Variants in NLRP2 observed in about 807,000 individuals in gnomAD.
NLRP2 encodes the protein NLR family pyrin domain containing 2, also known as NACHT, LRR and PYD domains-containing protein 2.
A neutral mutation model predicts 97.2 loss-of-function variants in NLRP2; 107 were observed. That is an observed-to-expected ratio of 1.10 (90% CI 0.94 to 1.29). The LOEUF (loss-of-function observed/expected upper bound fraction) is 1.29. NLRP2 is among the 50% of genes most tolerant of loss of function. The pLI is 0.00. For synonymous variants in NLRP2, 663 were observed against 551.5 expected (o/e 1.20, Z -2.83); for missense variants, 1,495 against 1,330.3 (o/e 1.12, Z -1.93).
intron 4 of NLRP2, 150 bp from the exon 5 acceptor site, chr19:54,981,467 C>G: frequency 1.5e-6 from 1 of 652,218 alleles, no homozygotes; most frequent in Non-Finnish European, 2.8e-6. Context: ...CACACCTGGC[C>G]GGAAAACACA....
chr19:55,000,999 AAT>A lies in NLRP2; in HGVS notation c.*102_*103del. 9.6e-7 allele frequency: 1 copy of A among 1,040,948 alleles called. No individual in the cohort carries two copies. Among genetic ancestry groups the A allele is most frequent in the Non-Finnish European group, 1.5e-6 (1 of 669,332 alleles). The allele number at this position is 1,040,948 out of a possible 1,614,324, so 64.5% of individuals were successfully genotyped here. A position where few individuals can be genotyped will look rare whatever the true frequency, so the allele number is the denominator to read the frequency against. On this transcript the variant is annotated 3_prime_UTR_variant, in exon 13 of 13. Transcript: ENST00000448584. Reference sequence around the variant, plus strand: ...TCCCCGGCCCCTACCCCTCAGGGATAATGAGTTCATTGCTGGGCTAGATGTTT... The same window carrying A: ...TCCCCGGCCCCTACCCCTCAGGGATAGAGTTCATTGCTGGGCTAGATGTTT...
intron 12 of NLRP2, among the ~76,000 whole-genome samples, chr19:54,997,926 G>A (rs984011156): frequency 2.1e-4 from 32 of 151,856 alleles, no homozygotes; most frequent in African/African-American, 7.0e-4. Context: ...ACCCAGCCAC[G>A]GCTGCCGTCT....
In NLRP2 at chr19:54,994,361, T is replaced by C. The variant is rs1480930650; in HGVS notation, c.2801T>C (p.Leu934Pro). The C allele has an allele frequency of 3.7e-6, 6 of 1,613,978 alleles. No homozygotes were observed. The highest frequency in any genetic ancestry group is 1.3e-5 in the African/African-American group (1 of 74,922). ...AGCCTGTTGTGTTTGGATCTGGGGC[T>C]GAATCACATAGGAGTTAAGGGAATG... ...KSSLLCLDLG[L>P]NHIGVKGMKF... The change falls in exon 11 of 13, where the codon CTG (leucine) becomes CCG (proline). Residue 934 changes from leucine (L) to proline (P), a missense_variant. Leu to Pro is a moderately conservative substitution (Grantham distance 98). Coordinates refer to ENST00000448584, the MANE Select transcript of NLRP2 (RefSeq NM_017852.5).
At chr19:54,992,574 G>GTTTTTTT (rs71181722) in intron 10 of NLRP2, among the ~76,000 whole-genome samples, 4 of 95,004 alleles carry the variant, frequency 4.2e-5, no homozygotes, top group South Asian at 3.8e-4. Context: ...TTTTTTTTTG[G>GTTTTTTT]TTTTTTTTTT....
chr19:54,986,519 AC>A, intron 8 of NLRP2: 1 of 595,682 alleles, frequency 1.7e-6, no homozygotes, highest in Non-Finnish European at 3.0e-6. Flanking sequence ...ATACGTGAGG[AC>A]CCTGAATCCA....
At chr19:55,000,410 G>A (rs2073115860) in intron 12 of NLRP2, among the ~76,000 whole-genome samples, 1 of 147,620 alleles carries the variant, frequency 6.8e-6, no homozygotes, top group South Asian at 2.2e-4. Flanking sequence ...CTGAGTAGCT[G>A]GGACTACAGG....
intron 9 of NLRP2, 62 bp downstream of exon 9, chr19:54,990,254 G>T (rs1261083675): frequency 6.5e-7 from 1 of 1,544,366 alleles, no homozygotes; most frequent in South Asian, 1.1e-5. Context: ...GACGAGCAAT[G>T]GTCATGCCTG....
chr19:54,999,310 G>C (rs1366947677), intron 12 of NLRP2, among the ~76,000 whole-genome samples: 2 of 152,132 alleles, frequency 1.3e-5, no homozygotes, highest in African/African-American at 4.8e-5. Context: ...ACCACACCTG[G>C]CTAATCTTGT....
chr19:54,973,982 A>G, intron 2 of NLRP2: 1 of 1,219,480 alleles, frequency 8.2e-7, no homozygotes, highest in East Asian at 2.6e-5. Context: ...TTTCCGGAAA[A>G]AGGCTAAAAC....
At chr19:54,973,537 G>A (rs1287011226) in intron 2 of NLRP2, among the ~76,000 whole-genome samples, 2 of 151,644 alleles carry the variant, frequency 1.3e-5, no homozygotes, top group Non-Finnish European at 2.9e-5. Flanking sequence ...CACCATGCCC[G>A]CTAATTTTTG....
At chr19:54,970,770 C>CTTTTTTTTTTTTTTTTTTTCTTTTTTT (rs34406686) in intron 2 of NLRP2, among the ~76,000 whole-genome samples, 2 of 108,472 alleles carry the variant, frequency 1.8e-5, no homozygotes, top group African/African-American at 3.5e-5. Flanking sequence ...CTACCTACTT[C>CTTTTTTTTTTTTTTTTTTTCTTTTTTT]TTTTTTTTTT....
chr19:54,990,225 CT>C (rs749485916), intron 9 of NLRP2, 33 bp downstream of exon 9: 20 of 1,609,588 alleles, frequency 1.2e-5, no homozygotes, highest in African/African-American at 2.7e-5. Context: ...AGCAGCTGTG[CT>C]TTCGATCTGG....
rs1347364579 is a variant in NLRP2, at chr19:54,996,046, AAAAAAAAC to A, written c.2880-1263_2880-1256del. Among the ~76,000 whole-genome samples, 64 of 147,954 alleles carry A rather than the reference AAAAAAAAC, an allele frequency of 4.3e-4. 1 individual carries two copies. The highest frequency in any genetic ancestry group is 1.5e-3 in the African/African-American group (60 of 39,906). On this transcript the variant is annotated intron_variant, in intron 11 of 12. Transcript: ENST00000448584. ...CAGTGAGATCCTGTCTCAAAAAAAA[AAAAAAAAC>A]AAAAAAAACAAAGGCGCCTTTTTAA...
At chr19:54,966,521 C>T (rs2070422051) in intron 1 of NLRP2, 54 bp downstream of exon 1, 1 of 152,094 alleles carries the variant, frequency 6.6e-6, no homozygotes. Context: ...CTCCATTCCA[C>T]AGTTGGTAAA....
At chr19:54,987,128 A>ACCCCCCCCCCCCCCCCCC (rs763390795) in intron 8 of NLRP2, among the ~76,000 whole-genome samples, 7 of 138,656 alleles carry the variant, frequency 5.0e-5, no homozygotes, top group Non-Finnish European at 7.8e-5. Context: ...CAGGTGATCT[A>ACCCCCCCCCCCCCCCCCC]CCCCCCCACC....
chr19:54,994,434 T>C lies in NLRP2; in HGVS notation c.2874T>C (p.Cys958=). The change falls in exon 11 of 13, where the codon TGT becomes TGC. Residue 958 remains cysteine, a synonymous_variant. Coordinates refer to ENST00000448584, the MANE Select transcript of NLRP2 (RefSeq NM_017852.5). ...GGAAACCACTGTGCAACTTGAGATG[T>C]CTGTGGTGAGTTAACTTATAAGTTC... is the stretch of plus-strand genomic sequence containing the variant. ...ALRKPLCNLR[C]LWLWGCSIPP... is the part of the protein sequence containing the mutation. 1 of 1,612,690 alleles carries C rather than the reference T, an allele frequency of 6.2e-7. No individual in the cohort carries two copies. Among genetic ancestry groups the C allele is most frequent in the South Asian group, 1.1e-5 (1 of 91,002 alleles).
intron 10 of NLRP2, chr19:54,991,302 C>G (rs1041376459): frequency 1.3e-5 from 2 of 154,532 alleles, no homozygotes; most frequent in Non-Finnish European, 2.9e-5. Flanking sequence ...ATAATCCCAT[C>G]ACCTTGGGAG....
chr19:54,988,716 C>T (rs2072259855), intron 8 of NLRP2, among the ~76,000 whole-genome samples: 1 of 152,140 alleles, frequency 6.6e-6, no homozygotes, highest in African/African-American at 2.4e-5. Flanking sequence ...AATGGGGTTT[C>T]ATCATGTTGT....
rs760732529 is a variant in NLRP2 at position 54,983,384 on chromosome 19, CGAGAA to C, written c.1691_1695del (p.Lys564SerfsTer28). 6.2e-7 allele frequency: 1 copy of C among 1,614,162 alleles called. No individual in the cohort carries two copies. The highest frequency in any genetic ancestry group is 1.3e-5 in the African/African-American group (1 of 75,034). ...GCTACTACTCCTTTGGCCTCGCTAA[CGAGAA>C]GAGAGCCAAGGAGTTGGAGGCCACT... On this transcript the variant is annotated frameshift_variant, in exon 6 of 13. Coordinates refer to ENST00000448584, the MANE Select transcript of NLRP2 (RefSeq NM_017852.5). LOFTEE classifies it high-confidence loss of function.
Sources: gnomAD v4.1 joint callset for allele counts (sites outside exome capture counted in the v4.1 genomes callset) on GRCh38, gnomAD v4.1.1 for gene constraint, MANE v1.5 for transcripts, NCBI Gene and HGNC (gene_info 2026-07-23, HGNC 2026-07-21) for gene names.